DOT1L: variants seen among roughly 807,000 people sequenced by gnomAD.
DOT1L encodes the protein histone-lysine N-methyltransferase, H3 lysine-79 specific.
Under a neutral mutation model 153.3 loss-of-function variants are expected in DOT1L, and 33 were observed. The observed-to-expected ratio is 0.22, with a 90% CI of 0.16 to 0.29. The LOEUF is 0.29. Ranked by LOEUF, DOT1L falls within the 10% of genes least tolerant of loss-of-function variation. The probability of loss-of-function intolerance (pLI) is 1.00; values close to 1 mark genes in which losing one functional copy is unlikely to be tolerated. For missense variants in DOT1L, 1,847 were observed against 2,119.9 expected (o/e 0.87, Z 2.53); for synonymous variants, 1,135 against 965.1 (o/e 1.18, Z -3.26).
At chr19:2,164,407 C>T (rs557133053) in intron 1 of DOT1L, 142 bp downstream of exon 1, 163 of 498,340 alleles carry the variant, frequency 3.3e-4, no homozygotes, top group African/African-American at 3.2e-3. Context: ...CTGCTCCACC[C>T]CCGTTGCTTC....
rs911644828 is a variant in DOT1L, at chr19:2,222,757, G to T, written c.3390+198G>T. The T allele has an allele frequency of 3.3e-6, 2 of 600,132 alleles. No individual in the cohort carries two copies. Among genetic ancestry groups the T allele is most frequent in the Non-Finnish European group, 5.6e-6 (2 of 360,218 alleles). The allele number at this position is 600,132 out of a possible 1,614,324, so 37.2% of individuals were successfully genotyped here. A position where few individuals can be genotyped will look rare whatever the true frequency, so the allele number is the denominator to read the frequency against. On this transcript the variant is annotated intron_variant, in intron 24 of 27. Coordinates refer to ENST00000398665, the MANE Select transcript of DOT1L (RefSeq NM_032482.3). This position sits in a 1 kb window ranked among gnomAD's most constrained non-coding sequence, Gnocchi z 6.5. ...CTACCAAAAATACAAAAGATTAGCCGGGCGTGGTGGCGGGTGCCTGGGAGG... is the reference window on the plus strand; with the variant it reads ...CTACCAAAAATACAAAAGATTAGCCTGGCGTGGTGGCGGGTGCCTGGGAGG...
At chr19:2,186,179 G>A (rs1365351526) in intron 3 of DOT1L, among the ~76,000 whole-genome samples, 1 of 152,274 alleles carries the variant, frequency 6.6e-6, no homozygotes, top group East Asian at 1.9e-4. Flanking sequence ...CATGTGTGGA[G>A]TCAGCCCGCG....
At chr19:2,225,999 A>AT (rs2024313736) in intron 26 of DOT1L, among the ~76,000 whole-genome samples, 184 bp from the exon 27 acceptor site, 1 of 151,058 alleles carries the variant, frequency 6.6e-6, no homozygotes. Flanking sequence ...GTCCCATCCC[A>AT]TCTTGTCCCC....
intron 1 of DOT1L, among the ~76,000 whole-genome samples, chr19:2,177,512 T>C (rs758725317): frequency 2.0e-4 from 30 of 152,130 alleles, no homozygotes; most frequent in Admixed American, 3.3e-4. Context: ...TTAGTGGTAA[T>C]AATTTTTGTA....
At position 2,231,889 on chromosome 19, in the gene DOT1L, T is replaced by A. The variant is rs2024614422; in HGVS notation, c.*2097T>A. On this transcript the variant is annotated 3_prime_UTR_variant, in exon 28 of 28. Coordinates refer to ENST00000398665, the MANE Select transcript of DOT1L (RefSeq NM_032482.3). ...GCCACCGTATGTTCAGGACACGCAC[T>A]GGGTCTCAGAGCCACTGGCCCAGGC... is the stretch of plus-strand genomic sequence containing the variant. The A allele has an allele frequency of 4.5e-6, 1 of 219,882 alleles. No individual in the cohort carries two copies. Among genetic ancestry groups the A allele is most frequent in the Non-Finnish European group, 9.1e-6 (1 of 109,660 alleles). The allele number at this position is 219,882 out of a possible 1,614,324, so 13.6% of individuals were successfully genotyped here. A position where few individuals can be genotyped will look rare whatever the true frequency, so the allele number is the denominator to read the frequency against.
intron 2 of DOT1L, among the ~76,000 whole-genome samples, chr19:2,183,957 C>G (rs947668168): frequency 2.1e-5 from 3 of 144,616 alleles, no homozygotes; most frequent in African/African-American, 7.3e-5. Context: ...TTTTGACAAT[C>G]CTTTGCTGCT....
At chr19:2,205,321 T>A (rs1260749798) in intron 9 of DOT1L, among the ~76,000 whole-genome samples, 14 of 152,124 alleles carry the variant, frequency 9.2e-5, no homozygotes, top group Admixed American at 3.9e-4. Flanking sequence ...AACAGAAGGC[T>A]CTGTTTCTCT....
Position 2,188,480 on chromosome 19 carries a change from G to GCCCCCCCCCCCCC in DOT1L, c.201-1250_201-1238dup, listed in dbSNP as rs375314788. On this transcript the variant is annotated intron_variant, in intron 3 of 27. Transcript: ENST00000398665. ...GCGGAGGAAAGAGTCCCCAGCCGCC[G>GCCCCCCCCCCCCC]CCCCCCCCCCCCCCACCCGCACAGG... is the stretch of plus-strand genomic sequence containing the variant. Among the ~76,000 whole-genome samples the GCCCCCCCCCCCCC allele has an allele frequency of 2.1e-3, 139 of 66,996 alleles. 27 individuals carry two copies. The highest frequency in any genetic ancestry group is 4.6e-3 in the African/African-American group (65 of 14,050). 44.0% of individuals were successfully genotyped at this position (66,996 alleles called of 152,430 possible).
Position 2,199,872 on chromosome 19 carries a change from T to G in DOT1L, c.652-12T>G. The G allele has an allele frequency of 6.2e-7, 1 of 1,613,566 alleles. No individual in the cohort carries two copies. Among genetic ancestry groups the G allele is most frequent in the Non-Finnish European group, 8.5e-7 (1 of 1,179,636 alleles). The stretch of plus-strand genomic sequence containing the variant: ...GCCGGGGGTCCGCGCTCACACCTGT[T>G]TTCCCTTTCAGTTGGAGAGAGGCGA... On this transcript the variant is annotated splice_polypyrimidine_tract_variant and intron_variant, in intron 7 of 27. Coordinates refer to ENST00000398665, the MANE Select transcript of DOT1L (RefSeq NM_032482.3).
In DOT1L at chr19:2,211,785, A is replaced by G; in HGVS notation, c.1500A>G (p.Ala500=). 6.4e-7 allele frequency: 1 copy of G among 1,572,624 alleles called. No individual in the cohort carries two copies. The highest frequency in any genetic ancestry group is 8.6e-7 in the Non-Finnish European group (1 of 1,158,494). The change falls in exon 16 of 28, where the codon GCA becomes GCG. Residue 500 remains alanine, a synonymous_variant. Coordinates refer to ENST00000398665, the MANE Select transcript of DOT1L (RefSeq NM_032482.3). ...SFKIQYLQFL[A]YTKTPQYKAS... is the part of the protein sequence containing the mutation. ...AGATCCAGTACCTGCAGTTCCTGGCATACACAAAGACCCCCCAGTACAAGG... is the reference window on the plus strand; with the variant it reads ...AGATCCAGTACCTGCAGTTCCTGGCGTACACAAAGACCCCCCAGTACAAGG...
Position 2,216,433 on chromosome 19 carries a change from G to A in DOT1L, c.2076G>A (p.Leu692=). ...ELEPDASRLH[L]ELDCTKFSLP... ...AGCCTGACGCCAGCCGGCTGCACCT[G>A]GAGCTGGACTGCACCAAGTTCTCGC... Residue 692 remains leucine (L), a synonymous_variant, in exon 20 of 28, where the codon CTG becomes CTA. Coordinates refer to ENST00000398665, the MANE Select transcript of DOT1L (RefSeq NM_032482.3). 6.2e-7 allele frequency: 1 copy of A among 1,612,582 alleles called. No individual in the cohort carries two copies.
rs1031961152 is a variant in DOT1L, at chr19:2,205,702, G to GT, written c.788-1018dup. On this transcript the variant is annotated intron_variant, in intron 9 of 27. Coordinates refer to ENST00000398665, the MANE Select transcript of DOT1L (RefSeq NM_032482.3). ...CTCTCAAACCTTAGTTTTTTGTTTT[G>GT]TTTTTTTTTGAGACAGGGTCTTCAT... Among the ~76,000 whole-genome samples the GT allele has an allele frequency of 4.6e-3, 689 of 150,786 alleles. 4 individuals carry two copies. The highest frequency in any genetic ancestry group is 0.016 in the African/African-American group (651 of 41,008).
intron 9 of DOT1L, among the ~76,000 whole-genome samples, chr19:2,203,922 G>GTT (rs1214697638): frequency 6.6e-6 from 1 of 152,226 alleles, no homozygotes; most frequent in East Asian, 1.9e-4. Flanking sequence ...CGCTCTGGGG[G>GTT]TACCCCCTCT....
intron 23 of DOT1L, 171 bp from the exon 24 acceptor site, chr19:2,221,805 A>T: frequency 1.5e-6 from 1 of 682,610 alleles, no homozygotes. Context: ...GAGCTTGCCC[A>T]CAGAGCCTTC....
chr19:2,228,942 C>T (rs759671325), intron 27 of DOT1L: 59 of 985,446 alleles, frequency 6.0e-5, no homozygotes, highest in Non-Finnish European at 6.6e-5. Context: ...CCCTGCCTGC[C>T]TGGGGGCTGA....
intron 27 of DOT1L, chr19:2,228,528 C>G: frequency 1.7e-6 from 2 of 1,158,604 alleles, no homozygotes; most frequent in South Asian, 3.4e-5. Flanking sequence ...GGGAGATGGT[C>G]GCGAGAGGAG....
At chr19:2,228,411 A>C in intron 27 of DOT1L, 1 of 1,247,742 alleles carries the variant, frequency 8.0e-7, no homozygotes, top group Non-Finnish European at 1.0e-6. Flanking sequence ...GCGGTGGCTC[A>C]CTCCAGACAC....
intron 22 of DOT1L, among the ~76,000 whole-genome samples, chr19:2,218,797 T>TG (rs772489308): frequency 3.5e-4 from 51 of 147,698 alleles, no homozygotes; most frequent in Admixed American, 2.7e-4. Context: ...CCCAGGTTCA[T>TG]GCCATTCTCC....
chr19:2,198,302 G>C (rs572667968), intron 7 of DOT1L, among the ~76,000 whole-genome samples: 3 of 152,198 alleles, frequency 2.0e-5, no homozygotes, highest in Admixed American at 1.3e-4. Flanking sequence ...AGACGGGTGT[G>C]GGGGGTGGCC....
Sources: allele counts gnomAD v4.1 joint callset (sites outside exome capture counted in the v4.1 genomes callset), GRCh38; gene constraint gnomAD v4.1.1; non-coding constraint Gnocchi (gnomAD v3.1); transcripts MANE v1.5; gene names NCBI Gene and HGNC (gene_info 2026-07-23, HGNC 2026-07-21).